The following GPHN variants were observed in gnomAD, a reference collection of about 807,000 sequenced individuals.
The protein encoded by GPHN is gephyrin.
In GPHN, 17 loss-of-function variants were observed where a neutral mutation model predicts 95.5. The observed-to-expected ratio is 0.18, with a 90% CI of 0.12 to 0.27. GPHN has a LOEUF of 0.27. Among genes scored for constraint, GPHN ranks in the 10% least tolerant of loss-of-function variants. The pLI is 1.00. For missense variants in GPHN, 660 were observed against 978.1 expected, an observed-to-expected ratio of 0.67 and a Z score of 4.34; for synonymous variants, 320 against 322.5, an observed-to-expected ratio of 0.99 and a Z score of 0.08.
At chr14:67,597,262 G>A in the GPHN span, among the ~76,000 whole-genome samples, 1 of 152,240 alleles carries the variant, frequency 6.6e-6, no homozygotes, top group Non-Finnish European at 1.5e-5. Flanking sequence ...GGGATCGCTT[G>A]AGGCCAGGAG....
the GPHN span, chr14:67,376,359 T>A: frequency 3.0e-6 from 4 of 1,331,152 alleles, no homozygotes; most frequent in Non-Finnish European, 4.1e-6. Context: ...GTAGCCAAAT[T>A]ATGTTATTTA....
At chr14:66,838,270 T>C (rs1302061332) in intron 4 of GPHN, among the ~76,000 whole-genome samples, 1 of 152,136 alleles carries the variant, frequency 6.6e-6, no homozygotes, top group East Asian at 1.9e-4. Flanking sequence ...AATATTTCCT[T>C]GCTATATAAA....
At chr14:66,719,325 A>G (rs959076125) in intron 2 of GPHN, among the ~76,000 whole-genome samples, 1 of 152,114 alleles carries the variant, frequency 6.6e-6, no homozygotes, top group Non-Finnish European at 1.5e-5. Flanking sequence ...TGATGCCTCT[A>G]TCCGTGTATT....
At chr14:67,619,926 G>C in the GPHN span, 1 of 1,305,356 alleles carries the variant, frequency 7.7e-7, no homozygotes, top group Non-Finnish European at 1.0e-6. Flanking sequence ...GCTCACTCCC[G>C]GCTTCCAACC....
rs1429321009 is a variant in GPHN at position 66,647,536 on chromosome 14, A to G, written c.65-33571A>G. On this transcript the variant is annotated intron_variant, in intron 1 of 22. Coordinates refer to ENST00000478722, the MANE Select transcript of GPHN (RefSeq NM_020806.5). ...CCCTAGTTGATCCCTGAAATCACAG[A>G]TGTTACTGAGCCCTGTATATACCTT... 2.0e-5 allele frequency among the ~76,000 whole-genome samples: 3 copies of G among 151,964 alleles called. No individual in the cohort carries two copies. In the East Asian group the frequency reaches 5.8e-4, roughly 29 times the overall value.
At chr14:66,884,034 C>T (rs1444598079) in intron 5 of GPHN, among the ~76,000 whole-genome samples, 1 of 151,974 alleles carries the variant, frequency 6.6e-6, no homozygotes, top group East Asian at 1.9e-4. Flanking sequence ...GTATTAACTC[C>T]CTTTGCAATT....
At chr14:66,843,352 T>C (rs540952049) in intron 4 of GPHN, among the ~76,000 whole-genome samples, 5 of 152,324 alleles carry the variant, frequency 3.3e-5, no homozygotes, top group Non-Finnish European at 7.4e-5. Flanking sequence ...GATCTTGCCC[T>C]GCCCAATCTA....
At chr14:67,645,945 C>A in the GPHN span, 2 of 937,728 alleles carry the variant, frequency 2.1e-6, no homozygotes, top group Non-Finnish European at 1.6e-6. Flanking sequence ...ATGGACCAGG[C>A]AGTCTGCCAG....
At chr14:66,955,682 C>G (rs2068447932) in intron 8 of GPHN, among the ~76,000 whole-genome samples, 1 of 152,054 alleles carries the variant, frequency 6.6e-6, no homozygotes, top group African/African-American at 2.4e-5. Context: ...GTATATATAT[C>G]TCCTAATGCT....
At chr14:67,439,921 C>T in the GPHN span, among the ~76,000 whole-genome samples, 16 of 152,140 alleles carry the variant, frequency 1.1e-4, no homozygotes, top group African/African-American at 3.6e-4. Context: ...TTGCTGCAGC[C>T]TCAACTTCCT....
At chr14:66,961,454 A>G (rs1413251374) in intron 8 of GPHN, among the ~76,000 whole-genome samples, 2 of 151,946 alleles carry the variant, frequency 1.3e-5, no homozygotes, top group African/African-American at 4.8e-5. Context: ...ATCAATAGAC[A>G]TGATAAAGTA....
Position 66,676,902 on chromosome 14 carries a change from T to C in GPHN, c.65-4205T>C, listed in dbSNP as rs117136485. 7.4e-3 allele frequency among the ~76,000 whole-genome samples: 1,130 copies of C among 152,164 alleles called. 2 individuals are homozygous for C. The highest frequency in any genetic ancestry group is 0.013 in the Non-Finnish European group (880 of 67,930). ...TTTCAGCAAAATAGATGTTCTTCTT[T>C]TAAAGCTTTTTGGTCCTGGGCTTTT... is the stretch of plus-strand genomic sequence containing the variant. On this transcript the variant is annotated intron_variant, in intron 1 of 22. Transcript: ENST00000478722.
intron 3 of GPHN, among the ~76,000 whole-genome samples, chr14:66,795,556 T>G (rs899367116): frequency 2.0e-5 from 3 of 152,070 alleles, no homozygotes; most frequent in Non-Finnish European, 4.4e-5. Context: ...TGTTATATAT[T>G]CTTCGAATGT....
intron 3 of GPHN, among the ~76,000 whole-genome samples, chr14:66,788,853 T>C (rs1286927179): frequency 6.6e-6 from 1 of 152,152 alleles, no homozygotes; most frequent in African/African-American, 2.4e-5. Context: ...AGATGGGGTT[T>C]CACCATGTTT....
chr14:66,719,294 A>G (rs2070499147), intron 2 of GPHN, among the ~76,000 whole-genome samples: 2 of 152,172 alleles, frequency 1.3e-5, no homozygotes, highest in Non-Finnish European at 2.9e-5. Flanking sequence ...GGACCCAGAA[A>G]GCTCACAGGA....
chr14:67,462,032 G>C, the GPHN span, among the ~76,000 whole-genome samples: 1 of 152,232 alleles, frequency 6.6e-6, no homozygotes. Flanking sequence ...TTGACTGCCT[G>C]TCCCTGAAGA....
the GPHN span, among the ~76,000 whole-genome samples, chr14:67,344,963 C>T: frequency 2.0e-5 from 3 of 149,634 alleles, no homozygotes; most frequent in African/African-American, 2.5e-5. Context: ...AAGCAGGGGC[C>T]GGGTGTGGTG....
intron 1 of GPHN, among the ~76,000 whole-genome samples, chr14:66,656,455 T>C (rs539308997): frequency 6.6e-6 from 1 of 152,272 alleles, no homozygotes; most frequent in Admixed American, 6.5e-5. Context: ...CCTGTTTCTT[T>C]CGTGATGTGG....
intron 21 of GPHN, among the ~76,000 whole-genome samples, 157 bp from the exon 22 acceptor site, chr14:67,179,421 A>G (rs1261748332): frequency 2.0e-5 from 3 of 152,214 alleles, no homozygotes; most frequent in South Asian, 4.1e-4. Flanking sequence ...AATTTTATTT[A>G]AAAAGAAAAA....
Sources: gnomAD v4.1 joint callset for allele counts (sites outside exome capture counted in the v4.1 genomes callset) on GRCh38, gnomAD v4.1.1 for gene constraint, MANE v1.5 for transcripts, NCBI Gene and HGNC (gene_info 2026-07-23, HGNC 2026-07-21) for gene names.